Variants in NBPF12 observed in about 807,000 individuals in gnomAD.
NBPF12 encodes NBPF member 12, also known as NBPF family member NBPF12.
In NBPF12, 115 loss-of-function variants were observed where a neutral mutation model predicts 146.4. The ratio of observed to expected loss-of-function variants is 0.79; its 90% CI spans 0.68 to 0.92. The LOEUF (loss-of-function observed/expected upper bound fraction) is 0.92. Ranked by LOEUF, NBPF12 falls within the 40% of genes least tolerant of loss-of-function variation. The pLI is 0.00. For synonymous variants in NBPF12, 385 were observed against 508.9 expected, an observed-to-expected ratio of 0.76 and a Z score of 3.28; for missense variants, 1,205 against 1,326.8, an observed-to-expected ratio of 0.91 and a Z score of 1.43.
Position 146,968,950 on chromosome 1 carries a change from C to T in NBPF12, c.1091+400C>T, listed in dbSNP as rs1471090599. 7.3e-5 allele frequency among the ~76,000 whole-genome samples: 11 copies of T among 151,568 alleles called. 1 individual carries two copies. Among genetic ancestry groups the T allele is most frequent in the African/African-American group, 2.2e-4 (9 of 40,946 alleles). On this transcript the variant is annotated intron_variant, in intron 10 of 33. Transcript: ENST00000617844. ...TTCACTCAATGTTGCCTTCTCGACC[C>T]TGTCATTCTTTTCTTCTTTCATCTT...
exon 34 of NBPF12, chr1:146,994,763 T>G (rs1658438546): frequency 2.0e-6 from 2 of 988,518 alleles, no homozygotes; most frequent in South Asian, 3.3e-5. Flanking sequence ...TGGACCCACG[T>G]TAGGTGTGAC....
chr1:146,972,692 A>C, intron 13 of NBPF12, 59 bp from the exon 17 acceptor site: 1 of 1,314,168 alleles, frequency 7.6e-7, no homozygotes. Context: ...AGTCCTGATT[A>C]AGCCTATTTC....
At chr1:146,965,889 C>T (rs1449818459) in intron 8 of NBPF12, among the ~76,000 whole-genome samples, 2 of 146,962 alleles carry the variant, frequency 1.4e-5, no homozygotes, top group African/African-American at 2.5e-5. Context: ...GGGCGGAACA[C>T]CTGAGCTCAG....
At chr1:146,945,153 A>G (rs1338098838), upstream of NBPF12, among the ~76,000 whole-genome samples, 1 of 134,382 alleles carries the variant, frequency 7.4e-6, no homozygotes, top group African/African-American at 2.8e-5. Context: ...TCTCTCTCTC[A>G]TGCTCTCTCT....
chr1:146,970,557 A>G (rs1570859162), intron 11 of NBPF12, 90 bp from the exon 15 acceptor site: 3 of 1,493,724 alleles, frequency 2.0e-6, no homozygotes, highest in African/African-American at 1.4e-5. Context: ...TGAACCATAC[A>G]TAGATGTTCA....
upstream of NBPF12, among the ~76,000 whole-genome samples, chr1:146,944,762 C>T (rs1192216414): frequency 6.6e-6 from 1 of 151,626 alleles, no homozygotes; most frequent in Non-Finnish European, 1.5e-5. Flanking sequence ...CCTGGATGTT[C>T]TCATCTTCAT....
intron 9 of NBPF12, among the ~76,000 whole-genome samples, chr1:146,968,194 C>G (rs1656330565): frequency 6.6e-6 from 1 of 150,544 alleles, no homozygotes; most frequent in Non-Finnish European, 1.5e-5. Flanking sequence ...TCTGACTCCA[C>G]TTCGTTGTGG....
At chr1:146,987,733 T>TTGTGTG (rs782154969) in intron 25 of NBPF12, among the ~76,000 whole-genome samples, 3,924 of 145,204 alleles carry the variant, frequency 0.027, 6 homozygotes, top group African/African-American at 0.094. Flanking sequence ...GTGTGTGTGT[T>TTGTGTG]TGTGTGTGTG....
intron 7 of NBPF12, among the ~76,000 whole-genome samples, chr1:146,964,640 G>T (rs1162632760): frequency 1.3e-5 from 2 of 151,962 alleles, no homozygotes; most frequent in Admixed American, 1.3e-4. Flanking sequence ...AGGGATAGCT[G>T]AGTCTTCATC....
At position 146,954,871 on chromosome 1, in the gene NBPF12, G is replaced by A. The variant is rs1489706588; in HGVS notation, c.-184+3382G>A. On this transcript the variant is annotated intron_variant, in intron 2 of 33. Coordinates refer to ENST00000617844, the Ensembl canonical transcript of NBPF12. The stretch of plus-strand genomic sequence containing the variant: ...ATTGATTCTTAGGACATATATATAT[G>A]TATACACACCCACACACACACACAC... Among the ~76,000 whole-genome samples, 3 of 130,598 alleles carry A rather than the reference G, an allele frequency of 2.3e-5. 1 individual carries two copies. Among genetic ancestry groups the A allele is most frequent in the African/African-American group, 8.4e-5 (3 of 35,652 alleles). 85.7% of individuals were successfully genotyped at this position (130,598 alleles called of 152,430 possible).
Position 146,962,278 on chromosome 1 carries a change from T to A in NBPF12, c.278+15T>A, listed in dbSNP as rs1268838082. 1 of 1,597,974 alleles carries A rather than the reference T, an allele frequency of 6.3e-7. No individual in the cohort carries two copies. Among genetic ancestry groups the A allele is most frequent in the African/African-American group, 1.3e-5 (1 of 74,476 alleles). ...GAGGAGCTCAGGTGAGGGGACCCCA[T>A]GGGGGGAGGCAGGCGGGTAGGTGTG... On this transcript the variant is annotated intron_variant, in intron 5 of 33. Transcript: ENST00000617844.
At chr1:146,945,078 C>A (rs1156912769), upstream of NBPF12, among the ~76,000 whole-genome samples, 1 of 130,104 alleles carries the variant, frequency 7.7e-6, no homozygotes, top group Non-Finnish European at 1.7e-5. Context: ...TTTTCTTCCT[C>A]CCTCCCTTCC....
intron 14 of NBPF12, among the ~76,000 whole-genome samples, chr1:146,974,270 A>T (rs1553887029): frequency 6.9e-6 from 1 of 144,756 alleles, no homozygotes; most frequent in South Asian, 2.2e-4. Flanking sequence ...GATATGATTA[A>T]AAAATCAAAG....
Position 146,966,729 on chromosome 1 carries a change from C to T in NBPF12, c.988+56C>T. ...TGATGAACAACGTCCTGTCTTCTCTCTGAGAAACTAAGTGCTCTCTCCATC... is the reference window on the plus strand; with the variant it reads ...TGATGAACAACGTCCTGTCTTCTCTTTGAGAAACTAAGTGCTCTCTCCATC... On this transcript the variant is annotated intron_variant, in intron 9 of 33. Transcript: ENST00000617844. The T allele has an allele frequency of 6.0e-6, 6 of 994,346 alleles. No individual in the cohort carries two copies. In the South Asian group the frequency reaches 7.6e-5, roughly 13 times the overall value. 61.6% of individuals were successfully genotyped at this position (994,346 alleles called of 1,614,324 possible). A position where few individuals can be genotyped will look rare whatever the true frequency, so the allele number is the denominator to read the frequency against.
intron 4 of NBPF12, among the ~76,000 whole-genome samples, chr1:146,961,344 A>T (rs1471604981): frequency 1.5e-4 from 23 of 150,922 alleles, no homozygotes; most frequent in East Asian, 5.9e-4. Context: ...GCTCCATCCA[A>T]GTTGCTTGTC....
intron 19 of NBPF12, among the ~76,000 whole-genome samples, chr1:146,981,396 G>T (rs1270427710): frequency 2.0e-5 from 3 of 149,948 alleles, no homozygotes; most frequent in Admixed American, 1.3e-4. Flanking sequence ...CTCTCTTCTG[G>T]CTTGTAGGGT....
In NBPF12 at chr1:146,980,370, G is replaced by A. The variant is rs1178853196; in HGVS notation, c.2450+1360G>A. ...GATCCTGTCGTTATGATGTTTGCTG[G>A]TTATTTCACCCGTTAGTTGATGCAG... On this transcript the variant is annotated intron_variant, in intron 19 of 33. Transcript: ENST00000617844. Among the ~76,000 whole-genome samples the A allele has an allele frequency of 3.3e-5, 5 of 152,122 alleles. No individual in the cohort carries two copies. In the East Asian group the frequency reaches 9.7e-4, roughly 29 times the overall value.
intron 1 of NBPF12, among the ~76,000 whole-genome samples, chr1:146,941,823 C>G (rs1654821810): frequency 6.9e-6 from 1 of 145,458 alleles, no homozygotes; most frequent in Admixed American, 6.8e-5. Context: ...TATGAACACA[C>G]TTTTCTATAT....
intron 31 of NBPF12, among the ~76,000 whole-genome samples, chr1:146,992,486 G>T (rs1473671876): frequency 7.3e-6 from 1 of 137,866 alleles, no homozygotes; most frequent in Admixed American, 7.5e-5. Flanking sequence ...GTGTGTGTGT[G>T]TGTGTGTGTG....
Sources: gnomAD v4.1 joint callset for allele counts (sites outside exome capture counted in the v4.1 genomes callset) on GRCh38, gnomAD v4.1.1 for gene constraint, MANE v1.5 for transcripts, NCBI Gene and HGNC (gene_info 2026-07-23, HGNC 2026-07-21) for gene names.